ATP2B2: variants seen among roughly 807,000 people sequenced by gnomAD.
The protein encoded by ATP2B2 is plasma membrane calcium-transporting ATPase 2.
A neutral mutation model predicts 120.0 loss-of-function variants in ATP2B2; 15 were observed. The observed-to-expected ratio is 0.12, with a 90% CI of 0.08 to 0.19. ATP2B2 has a LOEUF of 0.19. Ranked by LOEUF, ATP2B2 falls within the 10% of genes least tolerant of loss-of-function variation. The probability of loss-of-function intolerance (pLI) is 1.00; values close to 1 mark genes in which losing one functional copy is unlikely to be tolerated. For synonymous variants in ATP2B2, 694 were observed against 700.3 expected, an observed-to-expected ratio of 0.99 and a Z score of 0.14; for missense variants, 1,045 against 1,719.8, an observed-to-expected ratio of 0.61 and a Z score of 6.94.
rs998446060 is a variant in ATP2B2 at position 10,350,718 on chromosome 3, A to G, written c.2137-141T>C. The stretch of plus-strand genomic sequence containing the variant: ...TGACTATGAGATGCTGATGACGCAC[A>G]TGGCATATGGGCCACAGCCTCCCTT... On this transcript the variant is annotated intron_variant, in intron 14 of 22. Coordinates refer to ENST00000360273, the MANE Select transcript of ATP2B2 (RefSeq NM_001001331.4). The G allele has an allele frequency of 8.1e-6, 7 of 862,978 alleles. No individual in the cohort carries two copies. In the African/African-American group the frequency reaches 1.0e-4, roughly 12 times the overall value. The allele number at this position is 862,978 out of a possible 1,614,324, so 53.5% of individuals were successfully genotyped here.
At chr3:10,693,791 G>A (rs2071703871) in intron 1 of ATP2B2, among the ~76,000 whole-genome samples, 1 of 152,164 alleles carries the variant, frequency 6.6e-6, no homozygotes, top group South Asian at 2.1e-4. Flanking sequence ...CACACTGCCT[G>A]GCACATAGTA....
intron 5 of ATP2B2, among the ~76,000 whole-genome samples, chr3:10,390,588 G>C (rs564460639): frequency 1.3e-5 from 2 of 152,088 alleles, no homozygotes; most frequent in African/African-American, 2.4e-5. Flanking sequence ...TTTACAGAGA[G>C]ACAGACACTC....
rs1417190957 is a variant in ATP2B2 at position 10,488,380 on chromosome 3, C to CCCAT, written c.-320+17081_-320+17084dup. Among the ~76,000 whole-genome samples, 83 of 149,114 alleles carry CCCAT rather than the reference C, an allele frequency of 5.6e-4. 3 individuals carry two copies. In the East Asian group the frequency reaches 0.016, roughly 29 times the overall value. ...ACCCACAAATCGATCCATCCATCCACCCATCCATCCATCCATGTGCCCATC... is the reference window on the plus strand; with the variant it reads ...ACCCACAAATCGATCCATCCATCCACCCATCCATCCATCCATCCATGTGCCCATC... On this transcript the variant is annotated intron_variant, in intron 1 of 22. Transcript: ENST00000360273.
chr3:10,504,035 CACT>C (rs2066501467), intron 1 of ATP2B2, among the ~76,000 whole-genome samples: 1 of 152,160 alleles, frequency 6.6e-6, no homozygotes, highest in African/African-American at 2.4e-5. Flanking sequence ...ATATATGACG[CACT>C]ACTTATGGGT....
chr3:10,501,936 A>T (rs763220263), intron 1 of ATP2B2, among the ~76,000 whole-genome samples: 5 of 152,132 alleles, frequency 3.3e-5, no homozygotes, highest in Non-Finnish European at 7.4e-5. Flanking sequence ...AGCCCCTGGG[A>T]CCTCCTGATT....
intron 1 of ATP2B2, among the ~76,000 whole-genome samples, chr3:10,476,265 T>C (rs2065198852): frequency 6.6e-6 from 1 of 152,208 alleles, no homozygotes; most frequent in South Asian, 2.1e-4. Flanking sequence ...GCCATGAACC[T>C]ACCAACATTC....
chr3:10,348,919 G>A (rs703913), intron 16 of ATP2B2, among the ~76,000 whole-genome samples: 19,549 of 152,242 alleles, frequency 0.13, 1,725 homozygotes, highest in East Asian at 0.36. Flanking sequence ...GGATGGGCTG[G>A]GCGCCTTCTG....
At chr3:10,665,986 C>T (rs1485604090) in intron 1 of ATP2B2, among the ~76,000 whole-genome samples, 1 of 152,142 alleles carries the variant, frequency 6.6e-6, no homozygotes, top group Non-Finnish European at 1.5e-5. Flanking sequence ...CTATGCATTT[C>T]ATAGGGAAAG....
chr3:10,538,928 G>A lies in ATP2B2; in HGVS notation c.-414-4795C>T, dbSNP rs566977720. On this transcript the variant is annotated intron_variant, in intron 2 of 21. Transcript: ENST00000646379. ...GGGTATTCAATTAGGAAAAGAGGAA[G>A]TCAAATTGTCCCTGTTTGCAGATGA... 2.6e-5 allele frequency among the ~76,000 whole-genome samples: 4 copies of A among 152,310 alleles called. No individual in the cohort carries two copies. In the South Asian group the frequency reaches 8.3e-4, roughly 32 times the overall value.
At chr3:10,418,566 C>A (rs1458080740) in intron 2 of ATP2B2, among the ~76,000 whole-genome samples, 2 of 152,090 alleles carry the variant, frequency 1.3e-5, no homozygotes, top group African/African-American at 2.4e-5. Context: ...CAGGTGACCA[C>A]TGACCTCTTC....
In ATP2B2 at chr3:10,371,882, G is replaced by C; in HGVS notation, c.1586C>G (p.Ser529Cys). 3 of 1,614,068 alleles carry C rather than the reference G, an allele frequency of 1.9e-6. No homozygotes were observed. The highest frequency in any genetic ancestry group is 2.2e-5 in the South Asian group (2 of 91,070). The part of the protein sequence containing the change: ...VHYKEIPDPS[S>C]INTKTMELLI... ...CAGCTCCATGGTCTTGGTGTTGATG[G>C]AGCTGGGGTCGGGGATCTCTTTATA... is the stretch of plus-strand genomic sequence containing the variant. The change falls in exon 12 of 23, where the codon TCC becomes TGC. Residue 529 changes from serine (S) to cysteine (C), a missense_variant. Coordinates refer to ENST00000360273, the MANE Select transcript of ATP2B2 (RefSeq NM_001001331.4).
chr3:10,645,475 G>A (rs891051183), intron 1 of ATP2B2, among the ~76,000 whole-genome samples: 1 of 152,176 alleles, frequency 6.6e-6, no homozygotes. Flanking sequence ...AAGGAGGTTT[G>A]CAACTTATTC....
intron 3 of ATP2B2, among the ~76,000 whole-genome samples, chr3:10,525,521 C>T (rs2067074122): frequency 6.6e-6 from 1 of 152,136 alleles, no homozygotes; most frequent in African/African-American, 2.4e-5. Flanking sequence ...TATGTTGATA[C>T]TAACTAACAC....
At chr3:10,368,274 C>T (rs1022498174) in intron 12 of ATP2B2, among the ~76,000 whole-genome samples, 1 of 151,868 alleles carries the variant, frequency 6.6e-6, no homozygotes, top group African/African-American at 2.4e-5. Context: ...TGGAAGAGAC[C>T]AGCTCAACAA....
chr3:10,632,255 G>A (rs756989856), intron 1 of ATP2B2, among the ~76,000 whole-genome samples: 1 of 152,144 alleles, frequency 6.6e-6, no homozygotes, highest in Admixed American at 6.6e-5. Flanking sequence ...CTCCCTATAA[G>A]ATTAACAACT....
At chr3:10,676,570 C>T (rs1467012349) in intron 1 of ATP2B2, among the ~76,000 whole-genome samples, 1 of 152,076 alleles carries the variant, frequency 6.6e-6, no homozygotes, top group African/African-American at 2.4e-5. Flanking sequence ...AAACCAGTAG[C>T]AAAGGCTTTC....
chr3:10,357,602 T>C (rs1237908988), intron 14 of ATP2B2, among the ~76,000 whole-genome samples: 2 of 151,920 alleles, frequency 1.3e-5, no homozygotes, highest in Admixed American at 1.3e-4. Context: ...GGTAGGTCCA[T>C]TAAGGAGTGG....
chr3:10,468,313 C>T (rs2064839215), intron 1 of ATP2B2, among the ~76,000 whole-genome samples: 1 of 152,220 alleles, frequency 6.6e-6, no homozygotes, highest in African/African-American at 2.4e-5. Flanking sequence ...CATGGCTGGC[C>T]CAGCGGGCTG....
intron 5 of ATP2B2, among the ~76,000 whole-genome samples, chr3:10,400,657 C>T (rs564362471): frequency 1.3e-5 from 2 of 152,318 alleles, no homozygotes; most frequent in Non-Finnish European, 2.9e-5. Flanking sequence ...GAGTGGGCTT[C>T]GGTGTTCAGC....
Sources: gnomAD v4.1 joint callset for allele counts (sites outside exome capture counted in the v4.1 genomes callset) on GRCh38, gnomAD v4.1.1 for gene constraint, MANE v1.5 for transcripts, NCBI Gene and HGNC (gene_info 2026-07-23, HGNC 2026-07-21) for gene names.